Variants in ELMO1 observed in about 807,000 individuals in gnomAD.
ELMO1 encodes engulfment and cell motility 1, also known as engulfment and cell motility protein 1.
Under a neutral mutation model 98.9 loss-of-function variants are expected in ELMO1, and 26 were observed. The observed-to-expected ratio is 0.26, with a 90% CI of 0.19 to 0.36. ELMO1 has a LOEUF of 0.36. ELMO1 is among the 10% of genes least tolerant of loss of function. The pLI is 1.00. For missense variants in ELMO1, 627 were observed against 935.2 expected, an observed-to-expected ratio of 0.67 and a Z score of 4.30; for synonymous variants, 346 against 346.0, an observed-to-expected ratio of 1.00 and a Z score of 0.00.
chr7:36,905,667 A>G (rs1783910870), intron 16 of ELMO1, among the ~76,000 whole-genome samples: 1 of 152,224 alleles, frequency 6.6e-6, no homozygotes, highest in Non-Finnish European at 1.5e-5. Context: ...CCTGAAAAGA[A>G]GGAGTCAGTG....
intron 16 of ELMO1, among the ~76,000 whole-genome samples, chr7:36,948,234 C>T (rs917159165): frequency 2.6e-5 from 4 of 151,302 alleles, no homozygotes; most frequent in Non-Finnish European, 2.9e-5. Context: ...AGACAATGGG[C>T]GGGGTGGGGA....
chr7:37,349,312 G>C (rs779494989), intron 1 of ELMO1, among the ~76,000 whole-genome samples: 7 of 152,176 alleles, frequency 4.6e-5, no homozygotes, highest in Admixed American at 2.6e-4. Context: ...AGTTGTCTCT[G>C]ATAGAAAAAG....
In ELMO1 at chr7:37,259,229, T is replaced by C. The variant is rs1444333487; in HGVS notation, c.365A>G (p.Asn122Ser). The C allele has an allele frequency of 1.2e-6, 2 of 1,613,864 alleles. No individual in the cohort carries two copies. The highest frequency in any genetic ancestry group is 1.7e-6 in the Non-Finnish European group (2 of 1,179,968). The change falls in exon 6 of 22, where the codon AAC (asparagine) becomes AGC (serine). Residue 122 changes from asparagine (N) to serine (S), a missense_variant. This residue lies in a region of ELMO1 where 123 missense variants were observed against 171.2 expected (regional missense o/e 0.72). Transcript: ENST00000310758. ...CGTGAGGAGAGAGATACCGTCCAGG[T>C]TTATAAACTCCTGGGCAAACGTGAC... ...RDVTFAQEFI[N>S]LDGISLLTQM...
At chr7:37,138,915 T>G (rs1787438001) in intron 13 of ELMO1, among the ~76,000 whole-genome samples, 2 of 152,186 alleles carry the variant, frequency 1.3e-5, no homozygotes, top group Admixed American at 1.3e-4. Flanking sequence ...CTGGGATGGT[T>G]TAACACATAT....
intron 8 of ELMO1, among the ~76,000 whole-genome samples, chr7:37,225,851 T>C (rs912091357): frequency 4.6e-5 from 7 of 152,174 alleles, no homozygotes; most frequent in Non-Finnish European, 1.0e-4. Context: ...TCATTAAAAG[T>C]TATTACTGTC....
intron 14 of ELMO1, among the ~76,000 whole-genome samples, chr7:37,111,709 T>C (rs970917970): frequency 2.6e-5 from 4 of 152,220 alleles, no homozygotes; most frequent in Admixed American, 6.5e-5. Flanking sequence ...TTCAATAAGG[T>C]AATGCATATA....
intron 4 of ELMO1, among the ~76,000 whole-genome samples, chr7:37,276,240 TG>T: frequency 6.6e-6 from 1 of 152,078 alleles, no homozygotes; most frequent in Admixed American, 6.6e-5. Context: ...CCTGGCAAAT[TG>T]CAAATGCTAA....
At chr7:37,350,494 C>T (rs571863244) in intron 1 of ELMO1, among the ~76,000 whole-genome samples, 5 of 152,160 alleles carry the variant, frequency 3.3e-5, no homozygotes, top group Non-Finnish European at 5.9e-5. Flanking sequence ...GGCTGGGCAC[C>T]GTGGACACGC....
At position 36,921,457 on chromosome 7, in the gene ELMO1, T is replaced by G. The variant is rs192959869; in HGVS notation, c.1438-26440A>C. ...AATTATGACACCCATGAGCAGACATTTATGTCCTGGCACCAGAAACACAGC... is the reference window on the plus strand; with the variant it reads ...AATTATGACACCCATGAGCAGACATGTATGTCCTGGCACCAGAAACACAGC... On this transcript the variant is annotated intron_variant, in intron 16 of 21. Transcript: ENST00000310758. Among the ~76,000 whole-genome samples the G allele has an allele frequency of 1.7e-3, 261 of 152,316 alleles. 1 individual carries two copies. The highest frequency in any genetic ancestry group is 2.8e-3 in the Admixed American group (43 of 15,300).
intron 1 of ELMO1, among the ~76,000 whole-genome samples, chr7:37,397,477 A>G (rs1803345525): frequency 6.6e-6 from 1 of 152,218 alleles, no homozygotes; most frequent in African/African-American, 2.4e-5. Flanking sequence ...AAAAGGCGTT[A>G]TGGACAGCAT....
chr7:37,436,677 C>T (rs1562691596), intron 1 of ELMO1, among the ~76,000 whole-genome samples: 1 of 152,156 alleles, frequency 6.6e-6, no homozygotes, highest in Non-Finnish European at 1.5e-5. Flanking sequence ...CTAGTTGCTG[C>T]CTTTCTGAAG....
intron 1 of ELMO1, among the ~76,000 whole-genome samples, chr7:37,343,579 C>T: frequency 6.9e-6 from 1 of 145,584 alleles, no homozygotes; most frequent in East Asian, 2.0e-4. Flanking sequence ...CCTCTTGAGT[C>T]CAAGCAATTC....
chr7:36,919,837 AC>A (rs926088700), intron 16 of ELMO1, among the ~76,000 whole-genome samples: 8 of 152,100 alleles, frequency 5.3e-5, no homozygotes, highest in African/African-American at 1.9e-4. Flanking sequence ...AAATAAAACA[AC>A]CTGTCTAATC....
At chr7:36,959,528 C>T (rs978936892) in intron 16 of ELMO1, among the ~76,000 whole-genome samples, 5 of 152,164 alleles carry the variant, frequency 3.3e-5, no homozygotes, top group Non-Finnish European at 5.9e-5. Flanking sequence ...CTTTTGCCCT[C>T]TCCTGTCTCC....
intron 16 of ELMO1, among the ~76,000 whole-genome samples, chr7:36,907,841 G>A (rs1243113521): frequency 1.3e-5 from 2 of 152,136 alleles, no homozygotes; most frequent in African/African-American, 4.8e-5. Flanking sequence ...CCTGGACTCT[G>A]TCTGCAAGTA....
At chr7:37,178,112 G>GCTAATAAATGC (rs1790596103) in intron 13 of ELMO1, among the ~76,000 whole-genome samples, 1 of 151,858 alleles carries the variant, frequency 6.6e-6, no homozygotes, top group Non-Finnish European at 1.5e-5. Context: ...ATGTTAGTCC[G>GCTAATAAATGC]TTTTCATGCT....
At chr7:37,154,760 C>G (rs1584730312) in intron 13 of ELMO1, among the ~76,000 whole-genome samples, 1 of 152,330 alleles carries the variant, frequency 6.6e-6, no homozygotes, top group African/African-American at 2.4e-5. Flanking sequence ...CCCAGGAGGG[C>G]TTCCCCAATC....
At chr7:37,216,013 G>A (rs879817876) in intron 11 of ELMO1, among the ~76,000 whole-genome samples, 1 of 101,004 alleles carries the variant, frequency 9.9e-6, no homozygotes, top group Admixed American at 1.1e-4. Context: ...TTTCTTTTTT[G>A]TAAGCAGGGC....
intron 14 of ELMO1, among the ~76,000 whole-genome samples, 171 bp from the exon 15 acceptor site, chr7:37,096,898 T>C (rs1300784749): frequency 6.6e-6 from 1 of 152,134 alleles, no homozygotes; most frequent in Non-Finnish European, 1.5e-5. Context: ...AAAAGTCTCA[T>C]TTATCCCCCC....
Sources: allele counts gnomAD v4.1 joint callset (sites outside exome capture counted in the v4.1 genomes callset), GRCh38; gene constraint gnomAD v4.1.1; regional missense constraint gnomAD v4.1.1; transcripts MANE v1.5; gene names NCBI Gene and HGNC (gene_info 2026-07-23, HGNC 2026-07-21).